The following CHODL variants were observed in gnomAD, a reference collection of about 807,000 sequenced individuals.
The protein encoded by CHODL is transmembrane protein MT75.
A neutral mutation model predicts 34.5 loss-of-function variants in CHODL; 29 were observed. That is an observed-to-expected ratio of 0.84 (90% CI 0.63 to 1.15). The LOEUF is 1.15. Among genes scored for constraint, CHODL ranks in the 50% most tolerant of loss-of-function variants. CHODL has a pLI of 0.00. For synonymous variants in CHODL, 125 were observed against 116.1 expected (o/e 1.08, Z -0.49); for missense variants, 332 against 332.5 (o/e 1.00, Z 0.01).
chr21:18,209,436 G>T (rs1050634949), intron 2 of CHODL, among the ~76,000 whole-genome samples: 1 of 152,118 alleles, frequency 6.6e-6, no homozygotes, highest in Admixed American at 6.5e-5. Flanking sequence ...GCTCCCCTCT[G>T]GCCTAGGAGA....
At chr21:17,937,239 G>T (rs1292489807) in intron 1 of CHODL, among the ~76,000 whole-genome samples, 2 of 152,194 alleles carry the variant, frequency 1.3e-5, no homozygotes, top group Non-Finnish European at 2.9e-5. Flanking sequence ...TGGGACAGAA[G>T]GAGAGGGGCA....
chr21:17,988,128 T>C (rs948689676), intron 1 of CHODL, among the ~76,000 whole-genome samples: 10 of 152,208 alleles, frequency 6.6e-5, no homozygotes, highest in Non-Finnish European at 1.2e-4. Flanking sequence ...ATTCCAGCAG[T>C]TGCAAAACGC....
At chr21:18,095,080 C>T (rs145279589) in intron 2 of CHODL, among the ~76,000 whole-genome samples, 2,088 of 151,390 alleles carry the variant, frequency 0.014, 52 homozygotes, top group African/African-American at 0.047. Context: ...GTCAAGATCA[C>T]ACCACTGCAC....
At chr21:18,160,832 A>T (rs1177036224) in intron 2 of CHODL, among the ~76,000 whole-genome samples, 1 of 152,130 alleles carries the variant, frequency 6.6e-6, no homozygotes, top group Admixed American at 6.6e-5. Flanking sequence ...ATTTATATTC[A>T]TATGGGTAGA....
At chr21:18,021,034 T>C (rs1054417103) in intron 1 of CHODL, among the ~76,000 whole-genome samples, 3 of 152,190 alleles carry the variant, frequency 2.0e-5, no homozygotes, top group African/African-American at 4.8e-5. Flanking sequence ...TCTGTCCGTT[T>C]TGAAATACTG....
At chr21:18,226,907 C>G (rs2146748528) in intron 2 of CHODL, among the ~76,000 whole-genome samples, 1 of 152,216 alleles carries the variant, frequency 6.6e-6, no homozygotes, top group South Asian at 2.1e-4. Context: ...CTGCATCTTT[C>G]TGCCAAACAA....
intron 1 of CHODL, among the ~76,000 whole-genome samples, chr21:18,248,876 T>G (rs2074190392): frequency 8.4e-6 from 1 of 119,132 alleles, no homozygotes. Flanking sequence ...TGTATATATA[T>G]GTATTGTACC....
At chr21:18,099,038 C>T (rs1219625606) in intron 2 of CHODL, among the ~76,000 whole-genome samples, 1 of 151,786 alleles carries the variant, frequency 6.6e-6, no homozygotes, top group Non-Finnish European at 1.5e-5. Context: ...ACAATTGAAC[C>T]CATGAAGATA....
intron 2 of CHODL, among the ~76,000 whole-genome samples, chr21:18,162,871 G>A (rs1411823656): frequency 6.6e-6 from 1 of 152,058 alleles, no homozygotes; most frequent in African/African-American, 2.4e-5. Flanking sequence ...AAACTCCTGG[G>A]CTCAAGAGAC....
At chr21:17,987,181 A>T (rs1192333203) in intron 1 of CHODL, among the ~76,000 whole-genome samples, 1 of 152,150 alleles carries the variant, frequency 6.6e-6, no homozygotes, top group Non-Finnish European at 1.5e-5. Context: ...TTTTCTTCCC[A>T]CTAGCCCAAT....
intron 2 of CHODL, among the ~76,000 whole-genome samples, chr21:18,077,488 A>G (rs2064880427): frequency 6.6e-6 from 1 of 152,180 alleles, no homozygotes; most frequent in South Asian, 2.1e-4. Flanking sequence ...ACAGAGGGCT[A>G]TGGTCCAAAT....
chr21:17,981,899 T>C (rs1295020619), intron 1 of CHODL, among the ~76,000 whole-genome samples: 1 of 152,230 alleles, frequency 6.6e-6, no homozygotes, highest in Non-Finnish European at 1.5e-5. Flanking sequence ...AATGAAAATG[T>C]ATGAAAGCCA....
At chr21:18,132,744 A>G (rs1485539549) in intron 2 of CHODL, among the ~76,000 whole-genome samples, 8 of 152,094 alleles carry the variant, frequency 5.3e-5, no homozygotes, top group Non-Finnish European at 1.0e-4. Flanking sequence ...GTATATTAAC[A>G]TGTTTTCTCT....
At chr21:18,128,216 G>C (rs113399963) in intron 2 of CHODL, among the ~76,000 whole-genome samples, 3,638 of 148,676 alleles carry the variant, frequency 0.024, 82 homozygotes, top group African/African-American at 0.057. Flanking sequence ...CAGGAGAATG[G>C]TGTGAACCTG....
At chr21:18,215,366 G>T (rs148746504) in intron 2 of CHODL, among the ~76,000 whole-genome samples, 1 of 152,196 alleles carries the variant, frequency 6.6e-6, no homozygotes, top group East Asian at 1.9e-4. Flanking sequence ...GAGCAATCAG[G>T]TTTGCAGGAA....
chr21:18,157,087 A>G (rs866386491), intron 2 of CHODL, among the ~76,000 whole-genome samples: 21 of 152,270 alleles, frequency 1.4e-4, no homozygotes, highest in Middle Eastern at 6.8e-3. Context: ...CACTCCCTTC[A>G]TTGTCACCCC....
intron 1 of CHODL, among the ~76,000 whole-genome samples, chr21:18,006,181 T>C (rs189980010): frequency 8.3e-4 from 126 of 152,212 alleles, no homozygotes; most frequent in Non-Finnish European, 1.5e-3. Context: ...GAGTTCTCCA[T>C]TACACCTCTT....
At chr21:18,101,602 T>G (rs561385905) in intron 2 of CHODL, among the ~76,000 whole-genome samples, 58 of 152,270 alleles carry the variant, frequency 3.8e-4, no homozygotes, top group African/African-American at 1.3e-3. Flanking sequence ...ACCTACATTT[T>G]AAATGTGTCA....
intron 2 of CHODL, among the ~76,000 whole-genome samples, chr21:18,129,963 T>C (rs1295633650): frequency 6.6e-6 from 1 of 151,972 alleles, no homozygotes; most frequent in Non-Finnish European, 1.5e-5. Context: ...TAAAAGAAAC[T>C]ATATCTGTAT....
Sources: allele counts gnomAD v4.1 joint callset (sites outside exome capture counted in the v4.1 genomes callset), GRCh38; gene constraint gnomAD v4.1.1; transcripts MANE v1.5; gene names NCBI Gene and HGNC (gene_info 2026-07-23, HGNC 2026-07-21).